Variants in GPRASP3 observed in about 807,000 individuals in gnomAD.
The protein encoded by GPRASP3 is G protein-coupled receptor associated sorting protein family member 3, also known as G protein-coupled receptor associated sorting protein 3.
chrX:102,750,177 G>A, the GPRASP3 span: 3 of 1,206,122 alleles, frequency 2.5e-6, no homozygotes, highest in Non-Finnish European at 2.2e-6. Context: ...CTCCTTCTGG[G>A]GATGAAAGAC....
the GPRASP3 span, chrX:102,748,029 C>G: frequency 8.9e-6 from 1 of 111,878 alleles, no homozygotes; most frequent in Non-Finnish European, 1.9e-5. Context: ...CACCTCTGAC[C>G]TCACATTTGT....
chrX:102,737,041 T>C, the GPRASP3 span, among the ~76,000 whole-genome samples: 3 of 111,753 alleles, frequency 2.7e-5, no homozygotes, highest in Admixed American at 1.9e-4. Flanking sequence ...TTATCTTAGG[T>C]CCTTTCATGT....
At chrX:102,744,606 A>G in the GPRASP3 span, among the ~76,000 whole-genome samples, 1 of 111,618 alleles carries the variant, frequency 9.0e-6, no homozygotes, top group Non-Finnish European at 1.9e-5. Flanking sequence ...AAATGATCAT[A>G]TTTTTCTGCC....
chrX:102,737,906 G>A, the GPRASP3 span, among the ~76,000 whole-genome samples: 1 of 111,170 alleles, frequency 9.0e-6, no homozygotes, highest in Non-Finnish European at 1.9e-5. Flanking sequence ...CCAGGGACCG[G>A]TGGGTGAATA....
chrX:102,722,129 G>T, the GPRASP3 span, among the ~76,000 whole-genome samples: 2 of 111,441 alleles, frequency 1.8e-5, no homozygotes, highest in African/African-American at 6.6e-5. Context: ...CCATAAGACT[G>T]CCCTCCCTCA....
At chrX:102,753,338 T>A in the GPRASP3 span, 1 of 123,598 alleles carries the variant, frequency 8.1e-6, no homozygotes, top group Admixed American at 9.4e-5. Context: ...CCAAGTAGTA[T>A]TCCACCATAT....
the GPRASP3 span, chrX:102,751,843 CT>C: frequency 1.6e-5 from 2 of 122,172 alleles, no homozygotes; most frequent in African/African-American, 6.6e-5. Context: ...TCCTTTGTAT[CT>C]TTTTCTATCC....
At chrX:102,741,708 T>C in the GPRASP3 span, among the ~76,000 whole-genome samples, 9 of 111,880 alleles carry the variant, frequency 8.0e-5, no homozygotes, top group East Asian at 2.3e-3. Context: ...CCCTGTAACA[T>C]AGGCATATCA....
At chrX:102,749,249 T>C in the GPRASP3 span, 5 of 1,211,434 alleles carry the variant, frequency 4.1e-6, no homozygotes, top group Non-Finnish European at 5.6e-6. Flanking sequence ...GGCAAAGCCA[T>C]GGGAGATTTC....
At chrX:102,752,285 T>C in the GPRASP3 span, 1 of 123,349 alleles carries the variant, frequency 8.1e-6, no homozygotes, top group Non-Finnish European at 1.9e-5. Flanking sequence ...TAAGCTGATA[T>C]GAAAGTTTCT....
At chrX:102,736,092 T>C in the GPRASP3 span, among the ~76,000 whole-genome samples, 1 of 112,068 alleles carries the variant, frequency 8.9e-6, no homozygotes, top group Non-Finnish European at 1.9e-5. Context: ...TATCTAGTGG[T>C]AAAGCAGGCA....
At chrX:102,736,611 C>G in the GPRASP3 span, among the ~76,000 whole-genome samples, 1 of 111,004 alleles carries the variant, frequency 9.0e-6, no homozygotes, top group Non-Finnish European at 1.9e-5. Context: ...TGCTACGGAG[C>G]AAGACAGTAC....
chrX:102,729,144 T>C, the GPRASP3 span, among the ~76,000 whole-genome samples: 6 of 112,384 alleles, frequency 5.3e-5, no homozygotes, highest in Non-Finnish European at 9.4e-5. Flanking sequence ...CACCATATTC[T>C]TGCAGTGAAG....
chrX:102,749,477 C>G, the GPRASP3 span: 30 of 1,210,072 alleles, frequency 2.5e-5, no homozygotes, highest in Admixed American at 4.4e-5. Flanking sequence ...GATTGCAAAC[C>G]TAGGTCAGGG....
the GPRASP3 span, among the ~76,000 whole-genome samples, chrX:102,732,586 T>C: frequency 1.8e-5 from 2 of 112,267 alleles, no homozygotes; most frequent in Non-Finnish European, 3.8e-5. Context: ...TAGATTCTAA[T>C]AGTAGGTATA....
chrX:102,728,732 A>C, the GPRASP3 span, among the ~76,000 whole-genome samples: 1 of 109,401 alleles, frequency 9.1e-6, no homozygotes, highest in Non-Finnish European at 1.9e-5. Context: ...TAAATTTTTT[A>C]TTTTTTATTT....
chrX:102,753,074 TG>T, the GPRASP3 span: 1 of 122,589 alleles, frequency 8.2e-6, no homozygotes, highest in Non-Finnish European at 1.9e-5. Flanking sequence ...TGAGCCACCA[TG>T]CCCAGCCTCC....
At chrX:102,731,165 C>T in the GPRASP3 span, among the ~76,000 whole-genome samples, 1 of 112,806 alleles carries the variant, frequency 8.9e-6, no homozygotes, top group Non-Finnish European at 1.9e-5. Flanking sequence ...AAAGTCTACA[C>T]CTAAGTGTTA....
At chrX:102,729,150 T>C in the GPRASP3 span, among the ~76,000 whole-genome samples, 5 of 112,182 alleles carry the variant, frequency 4.5e-5, no homozygotes, top group Non-Finnish European at 9.4e-5. Context: ...ATTCTTGCAG[T>C]GAAGGGCCTC....
Sources: gnomAD v4.1 joint callset for allele counts (sites outside exome capture counted in the v4.1 genomes callset) on GRCh38, gnomAD v4.1.1 for gene constraint, MANE v1.5 for transcripts, NCBI Gene and HGNC (gene_info 2026-07-23, HGNC 2026-07-21) for gene names.